The following GOSR1 variants were observed in gnomAD, a reference collection of about 807,000 sequenced individuals.
GOSR1 encodes the protein 28 kDa Golgi SNARE protein.
Under a neutral mutation model 35.5 loss-of-function variants are expected in GOSR1, and 21 were observed. That is an observed-to-expected ratio of 0.59 (90% CI 0.42 to 0.85). The LOEUF (loss-of-function observed/expected upper bound fraction) is 0.85. GOSR1 is among the 40% of genes least tolerant of loss of function. GOSR1 has a pLI of 0.00. For missense variants in GOSR1, 285 were observed against 309.6 expected, an observed-to-expected ratio of 0.92 and a Z score of 0.60; for synonymous variants, 94 against 106.6, an observed-to-expected ratio of 0.88 and a Z score of 0.73.
At chr17:30,504,070 A>G (rs1256130561) in intron 6 of GOSR1, among the ~76,000 whole-genome samples, 6 of 144,100 alleles carry the variant, frequency 4.2e-5, no homozygotes, top group Non-Finnish European at 6.0e-5. Flanking sequence ...TCTGTCGCCC[A>G]GGCTGGAGTG....
chr17:30,507,722 C>CAAAAA (rs57856074), intron 6 of GOSR1, among the ~76,000 whole-genome samples: 1 of 125,608 alleles, frequency 8.0e-6, no homozygotes, highest in African/African-American at 2.8e-5. Context: ...GACTCTGTCT[C>CAAAAA]AAAAAAAAAA....
At chr17:30,515,549 G>A (rs1158362105) in intron 7 of GOSR1, among the ~76,000 whole-genome samples, 1 of 152,040 alleles carries the variant, frequency 6.6e-6, no homozygotes, top group Admixed American at 6.6e-5. Flanking sequence ...GTTAGGAAGG[G>A]CAATTTTGGG....
At chr17:30,514,677 T>C (rs1567915451) in intron 7 of GOSR1, among the ~76,000 whole-genome samples, 1 of 152,232 alleles carries the variant, frequency 6.6e-6, no homozygotes. Context: ...ATCTTAACGT[T>C]CTTTATCATT....
At chr17:30,491,306 T>G (rs149848519) in intron 5 of GOSR1, among the ~76,000 whole-genome samples, 6 of 152,342 alleles carry the variant, frequency 3.9e-5, no homozygotes, top group African/African-American at 9.6e-5. Context: ...GATATGTTCA[T>G]CTATTCATTA....
chr17:30,486,561 A>T (rs1914699106), intron 4 of GOSR1, among the ~76,000 whole-genome samples: 1 of 152,132 alleles, frequency 6.6e-6, no homozygotes, highest in South Asian at 2.1e-4. Flanking sequence ...AGGAAGAGGC[A>T]AAATTTCTGT....
At chr17:30,512,726 A>G (rs1474967597) in intron 7 of GOSR1, among the ~76,000 whole-genome samples, 3 of 152,118 alleles carry the variant, frequency 2.0e-5, no homozygotes, top group Admixed American at 1.3e-4. Flanking sequence ...ATCTGATCAC[A>G]TTTTGCCAGG....
In GOSR1 at chr17:30,496,284, G is replaced by A. The variant is rs142629834; in HGVS notation, c.509+3531G>A. 2.0e-5 allele frequency among the ~76,000 whole-genome samples: 3 copies of A among 152,140 alleles called. No individual in the cohort carries two copies. In the East Asian group the frequency reaches 5.8e-4, roughly 29 times the overall value. The stretch of plus-strand genomic sequence containing the variant: ...TGTCTCTGTGTCAGCACTCATTCCC[G>A]CTTTAGCCCATTGACTTCTTCCCTC... On this transcript the variant is annotated intron_variant, in intron 6 of 8. Coordinates refer to ENST00000451249, the MANE Select transcript of GOSR1 (RefSeq NM_001007025.2).
intron 2 of GOSR1, among the ~76,000 whole-genome samples, chr17:30,483,893 G>C (rs918151903): frequency 6.6e-6 from 1 of 152,208 alleles, no homozygotes; most frequent in Non-Finnish European, 1.5e-5. Context: ...TAGTACCAAA[G>C]CATGCAGGAC....
Position 30,484,742 on chromosome 17 carries a change from C to A in GOSR1, c.314C>A (p.Thr105Lys). Residue 105 changes from threonine (T) to lysine (K), a missense_variant, in exon 4 of 9, where the codon ACA becomes AAA. This residue lies in a region of GOSR1 where 168 missense variants were observed against 183.2 expected (regional missense o/e 0.92). Transcript: ENST00000451249. ...VPSLNAALMHTLQRHRDILQD... is the reference protein window; with the variant it reads ...VPSLNAALMHKLQRHRDILQD... ...TCCTTGAATGCAGCCCTGATGCATA[C>A]ATTACAGCGGCATAGAGACATATTG... is the stretch of plus-strand genomic sequence containing the variant. 1 of 1,588,314 alleles carries A rather than the reference C, an allele frequency of 6.3e-7. No homozygotes were observed. The highest frequency in any genetic ancestry group is 8.6e-7 in the Non-Finnish European group (1 of 1,157,204).
intron 6 of GOSR1, among the ~76,000 whole-genome samples, chr17:30,507,307 C>T (rs1967435775): frequency 6.6e-6 from 1 of 152,164 alleles, no homozygotes. Flanking sequence ...TCAACATTAA[C>T]AGGAATTTGG....
intron 7 of GOSR1, among the ~76,000 whole-genome samples, chr17:30,519,462 T>C (rs997513861): frequency 6.6e-6 from 1 of 152,250 alleles, no homozygotes; most frequent in African/African-American, 2.4e-5. Flanking sequence ...TTTTGGAACA[T>C]AATCTCTTCA....
At chr17:30,510,980 C>A (rs984985569) in intron 7 of GOSR1, 71 bp downstream of exon 7, 2 of 857,098 alleles carry the variant, frequency 2.3e-6, no homozygotes, top group Non-Finnish European at 3.9e-6. Context: ...AACAGTGTTA[C>A]AGCTGTTTTA....
At position 30,505,874 on chromosome 17, in the gene GOSR1, G is replaced by A. The variant is rs531992499; in HGVS notation, c.510-5006G>A. ...CTCCTGAGTAGATGGGACTACAGGT[G>A]CACACCACTGTACTCGGATATCTTA... On this transcript the variant is annotated intron_variant, in intron 6 of 8. Transcript: ENST00000451249. Among the ~76,000 whole-genome samples, 5 of 152,252 alleles carry A rather than the reference G, an allele frequency of 3.3e-5. No homozygotes were observed. The South Asian group carries it at 1.0e-3, about 32-fold the overall frequency.
chr17:30,507,943 A>G (rs1386079854), intron 6 of GOSR1, among the ~76,000 whole-genome samples: 1 of 152,220 alleles, frequency 6.6e-6, no homozygotes, highest in East Asian at 1.9e-4. Flanking sequence ...TTAGTTGATA[A>G]AGCAGCAGAG....
chr17:30,525,735 C>G lies in GOSR1; in HGVS notation c.*3357C>G, dbSNP rs1968172405. Reference sequence around the variant, plus strand: ...GCTAGTCTAGCTCACTGCAGCCAAGCAAACCCTGTTGATGGCTGATGGGCC... The same window carrying G: ...GCTAGTCTAGCTCACTGCAGCCAAGGAAACCCTGTTGATGGCTGATGGGCC... On this transcript the variant is annotated 3_prime_UTR_variant, in exon 9 of 9. Coordinates refer to ENST00000451249, the MANE Select transcript of GOSR1 (RefSeq NM_001007025.2). 2 of 152,316 alleles carry G rather than the reference C, an allele frequency of 1.3e-5. 1 individual carries two copies. Among genetic ancestry groups the G allele is most frequent in the Middle Eastern group, 6.8e-3 (2 of 294 alleles). 9.4% of individuals were successfully genotyped at this position (152,316 alleles called of 1,614,324 possible).
intron 1 of GOSR1, chr17:30,478,557 C>CTTTTTT (rs34257137): frequency 7.6e-6 from 1 of 131,838 alleles, no homozygotes; most frequent in African/African-American, 2.8e-5. Context: ...AGCTAGAAAA[C>CTTTTTT]TTTTTTTTTT....
At position 30,523,134 on chromosome 17, in the gene GOSR1, A is replaced by G. The variant is rs1197520759; in HGVS notation, c.*756A>G. The G allele has an allele frequency of 1.1e-5, 2 of 188,100 alleles. No individual in the cohort carries two copies. The highest frequency in any genetic ancestry group is 1.7e-4 in the East Asian group (1 of 5,862). The allele number at this position is 188,100 out of a possible 1,614,324, so 11.7% of individuals were successfully genotyped here. ...TGGCCTCCCAAAGTGCCGAGATTGC[A>G]GCCTCTGCCCGGCCGCCACCCCGTC... is the stretch of plus-strand genomic sequence containing the variant. On this transcript the variant is annotated 3_prime_UTR_variant, in exon 9 of 9. Transcript: ENST00000451249.
At position 30,527,139 on chromosome 17, in the gene GOSR1, CTTGAGACCAGGGAT is replaced by C. The variant is rs1314793001; in HGVS notation, c.*4772_*4785del. 6.6e-6 allele frequency: 1 copy of C among 152,184 alleles called. No individual in the cohort carries two copies. Among genetic ancestry groups the C allele is most frequent in the African/African-American group, 2.4e-5 (1 of 41,426 alleles). The allele number at this position is 152,184 out of a possible 1,614,324, so 9.4% of individuals were successfully genotyped here. The stretch of plus-strand genomic sequence containing the variant: ...TCGAGAGGCCGAGGCAGGAGGATTG[CTTGAGACCAGGGAT>C]TTGAGACCAGTCTGGGCAACACAGC... On this transcript the variant is annotated 3_prime_UTR_variant, in exon 9 of 9. Coordinates refer to ENST00000451249, the MANE Select transcript of GOSR1 (RefSeq NM_001007025.2).
chr17:30,481,286 A>G (rs1284550154), intron 2 of GOSR1, 29 bp downstream of exon 2: 6 of 1,554,840 alleles, frequency 3.9e-6, no homozygotes, highest in Middle Eastern at 1.7e-4. Flanking sequence ...TCTGTCTCCT[A>G]TGCCTTAACT....
Sources: gnomAD v4.1 joint callset for allele counts (sites outside exome capture counted in the v4.1 genomes callset) on GRCh38, gnomAD v4.1.1 for gene constraint, gnomAD v4.1.1 regional missense constraint, MANE v1.5 for transcripts, NCBI Gene and HGNC (gene_info 2026-07-23, HGNC 2026-07-21) for gene names.